ATP11A: variants seen among roughly 807,000 people sequenced by gnomAD.
The protein encoded by ATP11A is phospholipid-transporting ATPase IH.
In ATP11A, 81 loss-of-function variants were observed where a neutral mutation model predicts 154.4. The observed-to-expected ratio is 0.52, with a 90% CI of 0.44 to 0.63. ATP11A has a LOEUF of 0.63. Among genes scored for constraint, ATP11A ranks in the 30% least tolerant of loss-of-function variants. ATP11A has a pLI of 0.00. For missense variants in ATP11A, 1,316 were observed against 1,474.3 expected (o/e 0.89, Z 1.76); for synonymous variants, 623 against 585.9 (o/e 1.06, Z -0.91).
chr13:112,760,227 A>G (rs529390232), intron 1 of ATP11A, among the ~76,000 whole-genome samples: 18 of 152,326 alleles, frequency 1.2e-4, no homozygotes, highest in African/African-American at 4.3e-4. Flanking sequence ...CTAATTATTC[A>G]AAATTCATAG....
chr13:112,806,420 C>T (rs1379551118), intron 4 of ATP11A, 127 bp downstream of exon 4: 1 of 713,154 alleles, frequency 1.4e-6, no homozygotes, highest in African/African-American at 1.8e-5. Context: ...TCTAGAAATT[C>T]ATTTTTATAA....
At chr13:112,700,954 CTGAG>C (rs1886446648) in intron 1 of ATP11A, among the ~76,000 whole-genome samples, 1 of 152,244 alleles carries the variant, frequency 6.6e-6, no homozygotes, top group Non-Finnish European at 1.5e-5. Context: ...CTGTGTATCT[CTGAG>C]TAGTGAGACT....
intron 1 of ATP11A, chr13:112,745,775 T>TA (rs1210654901): frequency 6.6e-6 from 1 of 152,086 alleles, no homozygotes; most frequent in African/African-American, 2.4e-5. Context: ...TTTTGAATTG[T>TA]AAAAAAAGCA....
intron 2 of ATP11A, among the ~76,000 whole-genome samples, chr13:112,800,125 C>CA (rs1048212882): frequency 6.6e-6 from 1 of 150,408 alleles, no homozygotes; most frequent in Non-Finnish European, 1.5e-5. Flanking sequence ...GGAAACTTAA[C>CA]AAAAAATTAA....
chr13:112,798,030 C>G (rs1594733898), intron 2 of ATP11A, among the ~76,000 whole-genome samples: 1 of 152,178 alleles, frequency 6.6e-6, no homozygotes, highest in Non-Finnish European at 1.5e-5. Context: ...ACTGCATCCT[C>G]TGGAGTGGGG....
intron 8 of ATP11A, among the ~76,000 whole-genome samples, chr13:112,822,519 T>C (rs1237547883): frequency 1.3e-5 from 2 of 152,110 alleles, no homozygotes; most frequent in Admixed American, 1.3e-4. Flanking sequence ...AATGGCCAGA[T>C]AGAGTATCAG....
intron 1 of ATP11A, among the ~76,000 whole-genome samples, chr13:112,769,444 G>T (rs2077175052): frequency 6.6e-6 from 1 of 152,254 alleles, no homozygotes; most frequent in Admixed American, 6.5e-5. Context: ...GTCCCTGGCA[G>T]CTGTGGCCTC....
intron 14 of ATP11A, 34 bp from the exon 15 acceptor site, chr13:112,834,555 C>T (rs2079180361): frequency 6.9e-7 from 1 of 1,447,896 alleles, no homozygotes; most frequent in Non-Finnish European, 9.7e-7. Flanking sequence ...ATCAGAATCT[C>T]AGATTCACCC....
chr13:112,728,539 TGTGTGGCCC>T (rs1890138045), intron 1 of ATP11A, among the ~76,000 whole-genome samples: 3 of 136,584 alleles, frequency 2.2e-5, no homozygotes, highest in African/African-American at 8.3e-5. Context: ...GCCGTGAGAC[TGTGTGGCCC>T]GCCTCCCTGT....
intron 2 of ATP11A, among the ~76,000 whole-genome samples, chr13:112,797,016 T>C (rs1037601748): frequency 2.0e-5 from 3 of 151,990 alleles, no homozygotes; most frequent in African/African-American, 7.2e-5. Context: ...ATCCTGGCGC[T>C]TTGGGAGGCT....
chr13:112,851,508 G>A, intron 18 of ATP11A: 1 of 267,502 alleles, frequency 3.7e-6, no homozygotes, highest in Non-Finnish European at 7.1e-6. Flanking sequence ...AGATAGAAGG[G>A]CTCTTACAAA....
chr13:112,775,953 G>A (rs921533282), intron 1 of ATP11A, among the ~76,000 whole-genome samples: 2 of 152,118 alleles, frequency 1.3e-5, no homozygotes, highest in Non-Finnish European at 2.9e-5. Flanking sequence ...AGGCTGCTGC[G>A]CCTCCCGGGC....
chr13:112,765,909 G>A (rs1435780667), intron 1 of ATP11A, among the ~76,000 whole-genome samples: 1 of 152,252 alleles, frequency 6.6e-6, no homozygotes, highest in South Asian at 2.1e-4. Flanking sequence ...AACCGCCAGG[G>A]TCCTCCCCCT....
intron 1 of ATP11A, chr13:112,745,835 TTGAGCACCTCCA>T (rs1892063341): frequency 1.3e-5 from 2 of 152,246 alleles, no homozygotes; most frequent in Non-Finnish European, 2.9e-5. Context: ...TTCAGCAGTA[TTGAGCACCTCCA>T]CATTGTCGTG....
rs1440091826 is a variant in ATP11A at position 112,845,651 on chromosome 13, A to T, written c.1809+3272A>T. ...CAGTCCAGTTGCCAGCACTAGCGGT[A>T]CTATTCAGTCCAGTTACCAGGCACT... is the stretch of plus-strand genomic sequence containing the variant. On this transcript the variant is annotated intron_variant, in intron 17 of 29. Coordinates refer to ENST00000375645, the MANE Select transcript of ATP11A (RefSeq NM_015205.3). Among the ~76,000 whole-genome samples the T allele has an allele frequency of 2.5e-5, 3 of 119,016 alleles. 1 individual carries two copies. Among genetic ancestry groups the T allele is most frequent in the African/African-American group, 1.3e-4 (3 of 23,670 alleles). 78.1% of individuals were successfully genotyped at this position (119,016 alleles called of 152,430 possible).
intron 1 of ATP11A, among the ~76,000 whole-genome samples, chr13:112,702,381 G>A (rs1226143233): frequency 3.4e-5 from 5 of 148,498 alleles, no homozygotes; most frequent in Admixed American, 3.3e-4. Flanking sequence ...TGTAAGTACA[G>A]ACACCGTAGC....
intron 1 of ATP11A, among the ~76,000 whole-genome samples, chr13:112,726,441 G>A (rs1056541620): frequency 1.3e-5 from 2 of 152,224 alleles, no homozygotes; most frequent in African/African-American, 2.4e-5. Flanking sequence ...ATGGCCGGGG[G>A]CAGTTGATAG....
intron 1 of ATP11A, among the ~76,000 whole-genome samples, chr13:112,729,692 A>G (rs1466825624): frequency 6.6e-6 from 1 of 152,224 alleles, no homozygotes; most frequent in African/African-American, 2.4e-5. Context: ...CGCTCCTGCT[A>G]TTTTTAGCGT....
intron 1 of ATP11A, among the ~76,000 whole-genome samples, chr13:112,712,639 C>A (rs1887895182): frequency 6.6e-6 from 1 of 152,236 alleles, no homozygotes; most frequent in Admixed American, 6.5e-5. Context: ...GCGCAGAGCC[C>A]CTCTCACTGG....
Sources: gnomAD v4.1 joint callset for allele counts (sites outside exome capture counted in the v4.1 genomes callset) on GRCh38, gnomAD v4.1.1 for gene constraint, MANE v1.5 for transcripts, NCBI Gene and HGNC (gene_info 2026-07-23, HGNC 2026-07-21) for gene names.